Variants in ABCA3 observed in about 807,000 individuals in gnomAD.
The protein encoded by ABCA3 is phospholipid-transporting ATPase ABCA3.
Under a neutral mutation model 172.8 loss-of-function variants are expected in ABCA3, and 88 were observed. The observed-to-expected ratio is 0.51, with a 90% CI of 0.43 to 0.61. The LOEUF (loss-of-function observed/expected upper bound fraction) is 0.61. Ranked by LOEUF, ABCA3 falls within the 20% of genes least tolerant of loss-of-function variation. The pLI, the probability that ABCA3 is intolerant of heterozygous loss-of-function variation, is 0.00. For missense variants in ABCA3, 2,164 were observed against 2,301.0 expected (o/e 0.94, Z 1.22); for synonymous variants, 1,066 against 983.8 (o/e 1.08, Z -1.56).
chr16:2,328,388 AACAC>A, intron 3 of ABCA3, 61 bp downstream of exon 3: 1 of 416,416 alleles, frequency 2.4e-6, no homozygotes, highest in Non-Finnish European at 4.8e-6. Flanking sequence ...AAGAAAAAGG[AACAC>A]AGACACTGAA....
chr16:2,321,942 G>A (rs1022488725), intron 7 of ABCA3, among the ~76,000 whole-genome samples: 5 of 152,224 alleles, frequency 3.3e-5, no homozygotes, highest in Admixed American at 6.5e-5. Flanking sequence ...GCTCATGCCT[G>A]TAATCCCAGA....
chr16:2,338,627 C>T (rs2093755542), intron 1 of ABCA3, among the ~76,000 whole-genome samples: 1 of 152,094 alleles, frequency 6.6e-6, no homozygotes, highest in Non-Finnish European at 1.5e-5. Flanking sequence ...CCTGTTGCAC[C>T]TTTTCTGGAT....
intron 12 of ABCA3, among the ~76,000 whole-genome samples, chr16:2,303,443 TTTA>T (rs1237963442): frequency 6.6e-6 from 1 of 151,830 alleles, no homozygotes; most frequent in Non-Finnish European, 1.5e-5. Flanking sequence ...TTTTTTATTT[TTTA>T]TTTTTAGTGG....
At chr16:2,308,345 T>G in intron 11 of ABCA3, 105 bp downstream of exon 11, 1 of 1,434,916 alleles carries the variant, frequency 7.0e-7, no homozygotes, top group Admixed American at 1.9e-5. Context: ...CCCAACTGCC[T>G]GCCAACCGTC....
chr16:2,296,553 A>C (rs2093680075), intron 17 of ABCA3, among the ~76,000 whole-genome samples: 1 of 152,170 alleles, frequency 6.6e-6, no homozygotes, highest in Non-Finnish European at 1.5e-5. Context: ...CTCTTTAGAG[A>C]CAAGGATGCC....
Position 2,287,023 on chromosome 16 carries a change from C to G in ABCA3, c.3005-56G>C. On this transcript the variant is annotated intron_variant, in intron 21 of 32. Transcript: ENST00000301732. The surrounding 1 kb of genome is among the most constrained non-coding windows in gnomAD (Gnocchi z 4.1). ...AGGAAGAGGTGACACCTGGGCACCC[C>G]CTGCCACCTGAGCATGGCTAATCAG... is the stretch of plus-strand genomic sequence containing the variant. 1 of 1,576,898 alleles carries G rather than the reference C, an allele frequency of 6.3e-7. No individual in the cohort carries two copies. Among genetic ancestry groups the G allele is most frequent in the African/African-American group, 1.3e-5 (1 of 74,240 alleles).
chr16:2,297,582 C>A lies in ABCA3; in HGVS notation c.2053-43G>T, dbSNP rs200533798. On this transcript the variant is annotated intron_variant, in intron 16 of 32. Coordinates refer to ENST00000301732, the MANE Select transcript of ABCA3 (RefSeq NM_001089.3). This position sits in a 1 kb window ranked among gnomAD's most constrained non-coding sequence, Gnocchi z 5.6. Reference sequence around the variant, plus strand: ...GTCTCGCGACGCTGGTAGAGCCACACCCCGGGCCCAGGCTGGCCTTGCGGT... The same window carrying A: ...GTCTCGCGACGCTGGTAGAGCCACAACCCGGGCCCAGGCTGGCCTTGCGGT... The A allele has an allele frequency of 5.6e-6, 9 of 1,607,518 alleles. No homozygotes were observed. The highest frequency in any genetic ancestry group is 2.2e-5 in the East Asian group (1 of 44,846).
At chr16:2,303,620 T>A (rs1479993907) in intron 12 of ABCA3, among the ~76,000 whole-genome samples, 1 of 152,000 alleles carries the variant, frequency 6.6e-6, no homozygotes, top group Non-Finnish European at 1.5e-5. Flanking sequence ...GAAAACCCAA[T>A]AAGATACTTT....
chr16:2,303,088 C>T (rs148073712), intron 12 of ABCA3, among the ~76,000 whole-genome samples: 1 of 152,132 alleles, frequency 6.6e-6, no homozygotes, highest in African/African-American at 2.4e-5. Flanking sequence ...GGTGAGCCAC[C>T]ACACCCGGCC....
intron 3 of ABCA3, among the ~76,000 whole-genome samples, 155 bp downstream of exon 3, chr16:2,328,298 G>C (rs1220789446): frequency 6.6e-6 from 1 of 152,106 alleles, no homozygotes; most frequent in Non-Finnish European, 1.5e-5. Context: ...GGGAGGCCGA[G>C]GCAGGAGGAT....
chr16:2,289,685 T>C (rs1028215039), intron 19 of ABCA3, 65 bp from the exon 20 acceptor site: 4 of 1,517,068 alleles, frequency 2.6e-6, no homozygotes, highest in Non-Finnish European at 3.5e-6. Context: ...GGAGGGACTA[T>C]GGTTAGAGGC....
At position 2,326,356 on chromosome 16, in the gene ABCA3, C is replaced by A. The variant is rs1012975601; in HGVS notation, c.54+57G>T. 1.6e-4 allele frequency: 253 copies of A among 1,611,900 alleles called. No homozygotes were observed. In the Middle Eastern group the frequency reaches 1.8e-3, roughly 12 times the overall value. ...CAGACAGCCCTTCCCTCAAGGGCAT[C>A]CCCAGGAGCCTCTGGGCTAGGCACG... On this transcript the variant is annotated intron_variant, in intron 4 of 32. Coordinates refer to ENST00000301732, the MANE Select transcript of ABCA3 (RefSeq NM_001089.3).
rs1427668865 is a variant in ABCA3 at position 2,284,076 on chromosome 16, G to C, written c.3862+203C>G. On this transcript the variant is annotated intron_variant, in intron 25 of 32. Transcript: ENST00000301732. The surrounding 1 kb of genome is among the most constrained non-coding windows in gnomAD (Gnocchi z 5.9). ...GATGCCCAGACACTGAGGCAGGTGG[G>C]AGAGTGGGAGCTCAGGTACAGGGCC... 3 of 588,164 alleles carry C rather than the reference G, an allele frequency of 5.1e-6. No individual in the cohort carries two copies. The South Asian group carries it at 6.1e-5, about 12-fold the overall frequency. The allele number at this position is 588,164 out of a possible 1,614,324, so 36.4% of individuals were successfully genotyped here.
intron 19 of ABCA3, among the ~76,000 whole-genome samples, chr16:2,291,201 C>T (rs556000805): frequency 3.9e-5 from 6 of 152,192 alleles, no homozygotes; most frequent in South Asian, 4.1e-4. Context: ...TAATGACGTG[C>T]GCCTGCAGTC....
chr16:2,335,352 C>T lies in ABCA3; in HGVS notation c.-539+5221G>A, dbSNP rs1237491524. On this transcript the variant is annotated intron_variant, in intron 1 of 32. Transcript: ENST00000301732. The stretch of plus-strand genomic sequence containing the variant: ...CTGTAGGGACAGGATCTCAGTCACA[C>T]ACAGTTATCCCGGCTGGAATGCAGT... Among the ~76,000 whole-genome samples, 4 of 152,068 alleles carry T rather than the reference C, an allele frequency of 2.6e-5. No homozygotes were observed. In the South Asian group the frequency reaches 6.2e-4, roughly 24 times the overall value.
chr16:2,289,405 G>GCCCCCCCCCCCCCCC, intron 20 of ABCA3, 29 bp downstream of exon 20: 1 of 994,952 alleles, frequency 1.0e-6, no homozygotes, highest in Non-Finnish European at 1.5e-6. Context: ...CCCTTCCCCC[G>GCCCCCCCCCCCCCCC]CCACCCGCCC....
Position 2,284,780 on chromosome 16 carries a change from TG to T in ABCA3, c.3701del (p.Pro1234GlnfsTer3). Reference protein sequence around the residue: ...TFLMVTIMRIPAVKLEELSKT... With the variant: ...TFLMVTIMRIXAVKLEELSKT... The stretch of plus-strand genomic sequence containing the variant: ...TGCGGGTGGTCTCCAGGTGCCCACC[TG>T]GGATGCGCATGATGGTGACCATCAG... On this transcript the variant is annotated frameshift_variant and splice_region_variant, in exon 24 of 33. Transcript: ENST00000301732. LOFTEE classifies it high-confidence loss of function. The surrounding 1 kb of genome is among the most constrained non-coding windows in gnomAD (Gnocchi z 5.9). The T allele has an allele frequency of 6.2e-7, 1 of 1,613,314 alleles. No individual in the cohort carries two copies. Among genetic ancestry groups the T allele is most frequent in the South Asian group, 1.1e-5 (1 of 91,052 alleles).
Position 2,279,270 on chromosome 16 carries a change from G to A in ABCA3, c.4360-140C>T, listed in dbSNP as rs1477115228. On this transcript the variant is annotated intron_variant, in intron 28 of 32. Transcript: ENST00000301732. The surrounding 1 kb of genome is among the most constrained non-coding windows in gnomAD (Gnocchi z 4.4). ...GCCAGTGTGTGTACACGGGGGCGCT[G>A]GAGCTATGCACAGGCCGTGGTGGCT... 1.2e-5 allele frequency: 12 copies of A among 992,742 alleles called. No individual in the cohort carries two copies. The Admixed American group carries it at 2.5e-4, about 20-fold the overall frequency. 61.5% of individuals were successfully genotyped at this position (992,742 alleles called of 1,614,324 possible). A position where few individuals can be genotyped will look rare whatever the true frequency, so the allele number is the denominator to read the frequency against.
chr16:2,303,264 C>CT (rs61369735), intron 12 of ABCA3, among the ~76,000 whole-genome samples: 432 of 139,916 alleles, frequency 3.1e-3, no homozygotes, highest in African/African-American at 4.2e-3. Flanking sequence ...TTTTTTCTCT[C>CT]TTTTTTTTTT....
Sources: allele counts gnomAD v4.1 joint callset (sites outside exome capture counted in the v4.1 genomes callset), GRCh38; gene constraint gnomAD v4.1.1; non-coding constraint Gnocchi (gnomAD v3.1); transcripts MANE v1.5; gene names NCBI Gene and HGNC (gene_info 2026-07-23, HGNC 2026-07-21).